AACS: variants seen among roughly 807,000 people sequenced by gnomAD.
AACS encodes the protein acetoacetate-CoA ligase.
AACS carries 69 observed loss-of-function variants against 83.1 expected under a neutral mutation model. That is an observed-to-expected ratio of 0.83 (90% CI 0.68 to 1.01). AACS has a LOEUF of 1.01. Ranked by LOEUF, AACS falls within the 50% of genes least tolerant of loss-of-function variation. The probability of loss-of-function intolerance (pLI) is 0.00; values close to 1 mark genes in which losing one functional copy is unlikely to be tolerated. For missense variants in AACS, 866 were observed against 882.2 expected, an observed-to-expected ratio of 0.98 and a Z score of 0.23; for synonymous variants, 333 against 343.4, an observed-to-expected ratio of 0.97 and a Z score of 0.33.
rs771297750 is a variant in AACS, at chr12:125,102,795, T to G, written c.685+2T>G. The G allele has an allele frequency of 1.9e-6, 3 of 1,613,500 alleles. No homozygotes were observed. The highest frequency in any genetic ancestry group is 2.5e-6 in the Non-Finnish European group (3 of 1,179,510). Reference sequence around the variant, plus strand: ...AAAAGCTGCAGCAGGTGGTTAAAGGTGTGTGGCCCTTCCGGCTCCCAGCCG... The same window carrying G: ...AAAAGCTGCAGCAGGTGGTTAAAGGGGTGTGGCCCTTCCGGCTCCCAGCCG... On this transcript the variant is annotated splice_donor_variant, in intron 6 of 17. Coordinates refer to ENST00000316519, the MANE Select transcript of AACS (RefSeq NM_023928.5). LOFTEE classifies it high-confidence loss of function.
chr12:125,102,860 A>G (rs2136093164), intron 6 of AACS, 67 bp downstream of exon 6: 3 of 1,514,030 alleles, frequency 2.0e-6, no homozygotes, highest in East Asian at 4.5e-5. Flanking sequence ...AGAGTCTGCC[A>G]GGAGTCAATC....
intron 3 of AACS, chr12:125,078,200 T>C (rs972249830): frequency 1.8e-5 from 8 of 456,146 alleles, no homozygotes; most frequent in Admixed American, 1.6e-4. Flanking sequence ...CAGCAGCCCC[T>C]GTGCAGTTGG....
chr12:125,072,514 T>C (rs1398071417), intron 1 of AACS, among the ~76,000 whole-genome samples: 1 of 152,234 alleles, frequency 6.6e-6, no homozygotes, highest in East Asian at 1.9e-4. Flanking sequence ...ATTGGCCATC[T>C]TCCTGTTATG....
intron 7 of AACS, among the ~76,000 whole-genome samples, chr12:125,104,435 G>A (rs1282161582): frequency 2.0e-5 from 3 of 152,210 alleles, no homozygotes; most frequent in Non-Finnish European, 4.4e-5. Flanking sequence ...CCTGTCCTCC[G>A]GGAGTTGCAA....
rs1226394362 is a variant in AACS, at chr12:125,142,332, C to G, written c.*103C>G. 6.7e-7 allele frequency: 1 copy of G among 1,486,268 alleles called. No homozygotes were observed. The highest frequency in any genetic ancestry group is 9.1e-7 in the Non-Finnish European group (1 of 1,098,392). 92.1% of individuals were successfully genotyped at this position (1,486,268 alleles called of 1,614,324 possible). ...CCTACAGCTGTTGTAAAAGGATGCT[C>G]GCACCAAGTGTTCTGTAGGCTTGGG... On this transcript the variant is annotated 3_prime_UTR_variant, in exon 18 of 18. Coordinates refer to ENST00000316519, the MANE Select transcript of AACS (RefSeq NM_023928.5).
Position 125,124,952 on chromosome 12 carries a change from C to T in AACS, c.1237C>T (p.Pro413Ser). Residue 413 changes from proline (P) to serine (S), a missense_variant, in exon 12 of 18, where the codon CCA becomes TCA. Pro to Ser is a moderately conservative substitution (Grantham distance 74). Coordinates refer to ENST00000316519, the MANE Select transcript of AACS (RefSeq NM_023928.5). ...CCACACGATCCTGTCCACTGGCTCC[C>T]CACTGAAAGCCCAGAGCTACGAGTA... ...MLHTILSTGS[P>S]LKAQSYEYVY... 1 of 1,614,230 alleles carries T rather than the reference C, an allele frequency of 6.2e-7. No individual in the cohort carries two copies. Among genetic ancestry groups the T allele is most frequent in the South Asian group, 1.1e-5 (1 of 91,078 alleles).
At chr12:125,137,083 G>A (rs969063070) in intron 17 of AACS, among the ~76,000 whole-genome samples, 12 of 152,214 alleles carry the variant, frequency 7.9e-5, no homozygotes, top group African/African-American at 2.9e-4. Context: ...GGGTTAGCAG[G>A]CCCAGCCCTG....
intron 5 of AACS, 153 bp from the exon 6 acceptor site, chr12:125,102,526 G>A (rs1478627260): frequency 4.4e-6 from 3 of 684,022 alleles, no homozygotes; most frequent in Non-Finnish European, 7.9e-6. Flanking sequence ...ATGCAGTGGT[G>A]CAAGCATAGC....
chr12:125,091,991 G>A (rs1182870896), intron 5 of AACS, among the ~76,000 whole-genome samples: 1 of 152,208 alleles, frequency 6.6e-6, no homozygotes, highest in Non-Finnish European at 1.5e-5. Flanking sequence ...TGTGCACTCC[G>A]GGAGGGTGGC....
At chr12:125,098,291 G>A (rs1956655134) in intron 5 of AACS, among the ~76,000 whole-genome samples, 2 of 152,090 alleles carry the variant, frequency 1.3e-5, no homozygotes, top group South Asian at 4.1e-4. Context: ...TTAGCTGGGT[G>A]TGGTGGCACA....
rs1956570290 is a variant in AACS, at chr12:125,094,941, C to G, written c.570+3418C>G. ...CACACCAGAGAGCCCAGCCTGTAGC[C>G]TGCAGGCCTTGTCCTCCTGAAGTGC... On this transcript the variant is annotated intron_variant, in intron 5 of 17. Transcript: ENST00000316519. This position sits in a 1 kb window ranked among gnomAD's most constrained non-coding sequence, Gnocchi z 4.1. Among the ~76,000 whole-genome samples the G allele has an allele frequency of 6.6e-6, 1 of 151,846 alleles. No individual in the cohort carries two copies. The highest frequency in any genetic ancestry group is 2.4e-5 in the African/African-American group (1 of 41,300).
intron 1 of AACS, among the ~76,000 whole-genome samples, chr12:125,066,353 G>A (rs1955694163): frequency 6.6e-6 from 1 of 151,920 alleles, no homozygotes; most frequent in African/African-American, 2.4e-5. Flanking sequence ...CCTTCTCCGT[G>A]GGGTAACCGC....
intron 3 of AACS, among the ~76,000 whole-genome samples, chr12:125,084,745 A>C (rs1166729644): frequency 1.3e-5 from 2 of 151,966 alleles, no homozygotes; most frequent in Non-Finnish European, 2.9e-5. Flanking sequence ...TGCTTGGCTA[A>C]TTTTTAAAAA....
intron 6 of AACS, 69 bp from the exon 7 acceptor site, chr12:125,102,931 G>A (rs75448328): frequency 1.4e-6 from 2 of 1,481,084 alleles, no homozygotes; most frequent in Admixed American, 4.0e-5. Context: ...TATATTTTGT[G>A]GAAAAAAAAA....
rs113827978 is a variant in AACS at position 125,075,828 on chromosome 12, G to A, written c.238-663G>A. Among the ~76,000 whole-genome samples, 916 of 151,532 alleles carry A rather than the reference G, an allele frequency of 6.0e-3. 16 individuals are homozygous for A. Among genetic ancestry groups the A allele is most frequent in the African/African-American group, 0.021 (880 of 41,262 alleles). On this transcript the variant is annotated intron_variant, in intron 2 of 17. Transcript: ENST00000316519. ...AGGATGGTCTCGAGCTCCTGACCTT[G>A]TGACCCGCCTGCCTCGGCCTCCCAA... is the stretch of plus-strand genomic sequence containing the variant.
chr12:125,124,769 GGTGA>G lies in AACS; in HGVS notation c.1186+4_1186+7del. The G allele has an allele frequency of 6.2e-7, 1 of 1,614,184 alleles. No homozygotes were observed. The highest frequency in any genetic ancestry group is 2.2e-5 in the East Asian group (1 of 44,886). ...GCTGGAAGAGAAGGCCATGAAGCCG[GGTGA>G]GTGTGCCTCTTCAGTACTCATTCCC... is the stretch of plus-strand genomic sequence containing the variant. On this transcript the variant is annotated splice_donor_variant and splice_donor_region_variant and intron_variant, in intron 11 of 17. Coordinates refer to ENST00000316519, the MANE Select transcript of AACS (RefSeq NM_023928.5). LOFTEE classifies it high-confidence loss of function.
chr12:125,073,205 G>A (rs1178615623), intron 1 of AACS, among the ~76,000 whole-genome samples: 1 of 152,158 alleles, frequency 6.6e-6, no homozygotes, highest in African/African-American at 2.4e-5. Context: ...TGGGATTACA[G>A]GCGTGAGCCA....
At chr12:125,084,423 C>A (rs955055492) in intron 3 of AACS, among the ~76,000 whole-genome samples, 1 of 151,144 alleles carries the variant, frequency 6.6e-6, no homozygotes, top group South Asian at 2.1e-4. Context: ...CCTTTCTTTT[C>A]GACAGGGTCT....
chr12:125,112,496 T>G (rs894179820), intron 8 of AACS, among the ~76,000 whole-genome samples: 15 of 151,922 alleles, frequency 9.9e-5, no homozygotes, highest in African/African-American at 3.4e-4. Context: ...CTGGCCAACA[T>G]GGTGAAACCC....
Sources: allele counts gnomAD v4.1 joint callset (sites outside exome capture counted in the v4.1 genomes callset), GRCh38; gene constraint gnomAD v4.1.1; non-coding constraint Gnocchi (gnomAD v3.1); transcripts MANE v1.5; gene names NCBI Gene and HGNC (gene_info 2026-07-23, HGNC 2026-07-21).